Variants in STK3 observed in about 807,000 individuals in gnomAD.
The protein encoded by STK3 is serine/threonine-protein kinase 3.
STK3 carries 41 observed loss-of-function variants against 58.0 expected under a neutral mutation model. The observed-to-expected ratio is 0.71, with a 90% confidence interval of 0.55 to 0.92. The LOEUF is 0.92. STK3 is among the 40% of genes least tolerant of loss of function. The pLI, the probability that STK3 is intolerant of heterozygous loss-of-function variation, is 0.00. For synonymous variants in STK3, 170 were observed against 191.0 expected, an observed-to-expected ratio of 0.89 and a Z score of 0.91; for missense variants, 479 against 602.7, an observed-to-expected ratio of 0.79 and a Z score of 2.15.
chr8:98,462,664 A>G (rs1362102988), intron 10 of STK3, among the ~76,000 whole-genome samples: 1 of 152,206 alleles, frequency 6.6e-6, no homozygotes, highest in Non-Finnish European at 1.5e-5. Flanking sequence ...TGACATATTT[A>G]TTGAGATTTT....
intron 10 of STK3, among the ~76,000 whole-genome samples, chr8:98,525,959 T>C (rs1283364625): frequency 1.3e-5 from 2 of 151,792 alleles, no homozygotes; most frequent in Non-Finnish European, 2.9e-5. Context: ...AATAAAACTA[T>C]AAAGGATTAT....
intron 3 of STK3, among the ~76,000 whole-genome samples, chr8:98,414,783 T>C (rs1246603322): frequency 5.3e-5 from 8 of 152,210 alleles, no homozygotes; most frequent in South Asian, 2.1e-4. Flanking sequence ...GCCTAGACTA[T>C]AAAAACATCC....
intron 4 of STK3, among the ~76,000 whole-genome samples, chr8:98,734,064 G>C (rs1828396096): frequency 6.6e-6 from 1 of 152,008 alleles, no homozygotes; most frequent in African/African-American, 2.4e-5. Flanking sequence ...AGGATGAAGG[G>C]GGAAGTGCTA....
intron 3 of STK3, among the ~76,000 whole-genome samples, chr8:98,852,336 G>A (rs1836504244): frequency 6.6e-6 from 1 of 152,054 alleles, no homozygotes; most frequent in Non-Finnish European, 1.5e-5. Flanking sequence ...GTTTCACCAT[G>A]TTGTCCAGGC....
At chr8:98,367,904 C>T (rs1243408382), downstream of STK3, among the ~76,000 whole-genome samples, 2 of 151,494 alleles carry the variant, frequency 1.3e-5, no homozygotes, top group African/African-American at 4.9e-5. Context: ...AAAGCAAACA[C>T]ATATCTACAC....
intron 4 of STK3, among the ~76,000 whole-genome samples, chr8:98,708,709 T>C (rs184953697): frequency 1.3e-5 from 2 of 152,328 alleles, no homozygotes; most frequent in Admixed American, 1.3e-4. Flanking sequence ...TATTATGAAA[T>C]CACAGGAAAT....
chr8:98,672,308 G>A (rs1359451653), intron 6 of STK3, among the ~76,000 whole-genome samples: 1 of 152,096 alleles, frequency 6.6e-6, no homozygotes, highest in Non-Finnish European at 1.5e-5. Context: ...GTTGTGCCAA[G>A]GGGCTTGAGG....
rs538550328 is a variant in STK3 at position 98,904,754 on chromosome 8, T to C, written c.-78-20920A>G. On this transcript the variant is annotated intron_variant, in intron 1 of 1. Coordinates refer to the STK3 transcript ENST00000519420. Reference sequence around the variant, plus strand: ...AACTGTGGGGAGCATGGCTGCAGCATGACGCGGTTCCACAATAGGAGGAAG... The same window carrying C: ...AACTGTGGGGAGCATGGCTGCAGCACGACGCGGTTCCACAATAGGAGGAAG... The C allele has an allele frequency of 1.4e-5, 11 of 794,550 alleles. No individual in the cohort carries two copies. The Admixed American group carries it at 1.6e-4, about 12-fold the overall frequency. 49.2% of individuals were successfully genotyped at this position (794,550 alleles called of 1,614,324 possible). A position where few individuals can be genotyped will look rare whatever the true frequency, so the allele number is the denominator to read the frequency against.
chr8:98,434,621 T>C (rs962837715), intron 2 of STK3, among the ~76,000 whole-genome samples: 2 of 152,132 alleles, frequency 1.3e-5, no homozygotes, highest in African/African-American at 4.8e-5. Flanking sequence ...AATGACTGCA[T>C]CTGCAGCTGG....
chr8:98,472,353 T>G (rs986844070), intron 10 of STK3, among the ~76,000 whole-genome samples: 1 of 152,176 alleles, frequency 6.6e-6, no homozygotes, highest in African/African-American at 2.4e-5. Flanking sequence ...AAAACTAAAC[T>G]AAAACCCTAT....
At position 98,808,244 on chromosome 8, in the gene STK3, G is replaced by A. The variant is rs537839145; in HGVS notation, c.26+17271C>T. Among the ~76,000 whole-genome samples the A allele has an allele frequency of 2.0e-5, 3 of 152,334 alleles. No homozygotes were observed. In the East Asian group the frequency reaches 5.8e-4, roughly 29 times the overall value. On this transcript the variant is annotated intron_variant, in intron 1 of 10. Coordinates refer to ENST00000419617, the MANE Select transcript of STK3 (RefSeq NM_006281.4). Reference sequence around the variant, plus strand: ...TCTGTGTTAAATTATATGAAAACATGAGGGCAGGACAGGAAAGAAAGTGTG... The same window carrying A: ...TCTGTGTTAAATTATATGAAAACATAAGGGCAGGACAGGAAAGAAAGTGTG...
At chr8:98,558,651 G>A (rs1490530310) in intron 8 of STK3, among the ~76,000 whole-genome samples, 2 of 151,926 alleles carry the variant, frequency 1.3e-5, no homozygotes, top group East Asian at 3.9e-4. Context: ...ACAACTAAGG[G>A]CTAAAGGGTC....
chr8:98,804,107 TCCTCCCAACTCAG>T (rs1833759689), intron 1 of STK3, among the ~76,000 whole-genome samples: 1 of 152,014 alleles, frequency 6.6e-6, no homozygotes, highest in Admixed American at 6.6e-5. Context: ...GTTCAAGCAA[TCCTCCCAACTCAG>T]CCTCCCAAGT....
upstream of STK3, chr8:98,825,707 C>A (rs1283197583): frequency 2.0e-6 from 2 of 1,016,994 alleles, no homozygotes; most frequent in African/African-American, 3.5e-5. Context: ...CTTAGGAGCG[C>A]GGCTCCTCCC....
chr8:98,921,641 T>C (rs1043863448), intron 1 of STK3: 8 of 152,254 alleles, frequency 5.3e-5, no homozygotes, highest in African/African-American at 1.9e-4. Context: ...TGGCAAACTT[T>C]GTTAGCTGGG....
intron 6 of STK3, among the ~76,000 whole-genome samples, chr8:98,626,544 T>C (rs1332296877): frequency 6.6e-6 from 1 of 152,140 alleles, no homozygotes; most frequent in Non-Finnish European, 1.5e-5. Flanking sequence ...TCTGGCCCTT[T>C]ACAGAAAAAA....
At chr8:98,927,900 C>G (rs1030269246) in intron 1 of STK3, among the ~76,000 whole-genome samples, 3 of 152,154 alleles carry the variant, frequency 2.0e-5, no homozygotes, top group Non-Finnish European at 4.4e-5. Flanking sequence ...GGTTTGAGTG[C>G]CTGGATCTAG....
intron 1 of STK3, among the ~76,000 whole-genome samples, chr8:98,804,838 T>G (rs1833803873): frequency 6.6e-6 from 1 of 151,908 alleles, no homozygotes; most frequent in South Asian, 2.1e-4. Context: ...TTCATTTATG[T>G]TATTAGGAAA....
chr8:98,741,045 C>A (rs1260361693), intron 4 of STK3, among the ~76,000 whole-genome samples: 3 of 152,152 alleles, frequency 2.0e-5, no homozygotes, highest in Non-Finnish European at 4.4e-5. Context: ...GAAGAGCTAA[C>A]TATCCTAAAC....
Sources: gnomAD v4.1 joint callset for allele counts (sites outside exome capture counted in the v4.1 genomes callset) on GRCh38, gnomAD v4.1.1 for gene constraint, MANE v1.5 for transcripts, NCBI Gene and HGNC (gene_info 2026-07-23, HGNC 2026-07-21) for gene names.